The following TACR3 variants were observed in gnomAD, a reference collection of about 807,000 sequenced individuals.
TACR3 encodes neuromedin-K receptor.
TACR3 carries 34 observed loss-of-function variants against 35.0 expected under a neutral mutation model. The observed-to-expected ratio is 0.97, with a 90% CI of 0.74 to 1.30. The LOEUF is 1.30. Among genes scored for constraint, TACR3 ranks in the 50% most tolerant of loss-of-function variants. The pLI is 0.00. For missense variants in TACR3, 558 were observed against 591.7 expected (o/e 0.94, Z 0.59); for synonymous variants, 233 against 221.1 (o/e 1.05, Z -0.48).
At chr4:103,652,487 A>G (rs997150151) in intron 3 of TACR3, among the ~76,000 whole-genome samples, 1 of 152,070 alleles carries the variant, frequency 6.6e-6, no homozygotes, top group Non-Finnish European at 1.5e-5. Context: ...GACTGTCTTT[A>G]CTACACTCTT....
chr4:103,679,974 A>G (rs187276374), intron 1 of TACR3, among the ~76,000 whole-genome samples: 11 of 152,052 alleles, frequency 7.2e-5, no homozygotes, highest in Non-Finnish European at 2.9e-5. Flanking sequence ...CCATTCAATG[A>G]GAAGCTGTAT....
chr4:103,685,984 G>T (rs183020920), intron 1 of TACR3, among the ~76,000 whole-genome samples: 4 of 152,082 alleles, frequency 2.6e-5, no homozygotes, highest in Admixed American at 2.0e-4. Context: ...CTTACCTAGG[G>T]TATTTGTTGA....
chr4:103,635,728 T>C (rs1725172830), intron 3 of TACR3, among the ~76,000 whole-genome samples: 1 of 152,036 alleles, frequency 6.6e-6, no homozygotes, highest in African/African-American at 2.4e-5. Context: ...GAGTAAATAT[T>C]TGATGAATCT....
chr4:103,654,989 T>G (rs564103753), intron 3 of TACR3, among the ~76,000 whole-genome samples: 3 of 152,300 alleles, frequency 2.0e-5, no homozygotes, highest in East Asian at 3.9e-4. Context: ...CATTTGGTTG[T>G]TTGTGCACAT....
intron 1 of TACR3, among the ~76,000 whole-genome samples, chr4:103,667,924 G>A (rs1008466641): frequency 6.6e-6 from 1 of 152,090 alleles, no homozygotes; most frequent in African/African-American, 2.4e-5. Context: ...TGCCTCCTGG[G>A]CTCAAGTGAT....
chr4:103,677,989 G>T (rs973168204), intron 1 of TACR3, among the ~76,000 whole-genome samples: 32 of 151,970 alleles, frequency 2.1e-4, no homozygotes, highest in African/African-American at 7.5e-4. Flanking sequence ...TTTGGATATT[G>T]TCCCTAGCTT....
At chr4:103,607,969 G>A (rs988055464) in intron 3 of TACR3, among the ~76,000 whole-genome samples, 2 of 152,116 alleles carry the variant, frequency 1.3e-5, no homozygotes, top group Admixed American at 1.3e-4. Flanking sequence ...ATGGAGACTA[G>A]TGGTTGAACT....
rs185962809 is a variant in TACR3 at position 103,599,719 on chromosome 4, C to A, written c.889-8036G>T. 1.8e-3 allele frequency among the ~76,000 whole-genome samples: 278 copies of A among 151,942 alleles called. No individual in the cohort carries two copies. In the Middle Eastern group the frequency reaches 0.024, roughly 13 times the overall value. On this transcript the variant is annotated intron_variant, in intron 3 of 4. Coordinates refer to ENST00000304883, the MANE Select transcript of TACR3 (RefSeq NM_001059.3). Reference sequence around the variant, plus strand: ...CTGCATCTATTGAGATAGTCATGTGCTTTTTGTCATTGGTTCTGTTTATAT... The same window carrying A: ...CTGCATCTATTGAGATAGTCATGTGATTTTTGTCATTGGTTCTGTTTATAT...
intron 3 of TACR3, among the ~76,000 whole-genome samples, chr4:103,633,756 T>C (rs1380454339): frequency 6.6e-6 from 1 of 152,144 alleles, no homozygotes; most frequent in African/African-American, 2.4e-5. Context: ...CTATTTTCAG[T>C]TGAATCGTTT....
chr4:103,695,896 C>T (rs1026546070), intron 1 of TACR3, among the ~76,000 whole-genome samples: 1 of 152,132 alleles, frequency 6.6e-6, no homozygotes, highest in Non-Finnish European at 1.5e-5. Flanking sequence ...CTTAGATGAT[C>T]ATATACTTAT....
intron 1 of TACR3, among the ~76,000 whole-genome samples, chr4:103,704,688 G>T (rs1232771929): frequency 6.6e-6 from 1 of 152,132 alleles, no homozygotes; most frequent in African/African-American, 2.4e-5. Flanking sequence ...GACACATAGG[G>T]ATTATGGGGG....
At chr4:103,707,112 C>G (rs1012624475) in intron 1 of TACR3, among the ~76,000 whole-genome samples, 4 of 152,178 alleles carry the variant, frequency 2.6e-5, no homozygotes, top group Non-Finnish European at 4.4e-5. Context: ...CACAGGAAAC[C>G]TGCTTTTGCA....
chr4:103,675,930 T>C (rs572100740), intron 1 of TACR3, among the ~76,000 whole-genome samples: 2 of 152,290 alleles, frequency 1.3e-5, no homozygotes, highest in Non-Finnish European at 2.9e-5. Context: ...TCCCTCTTGC[T>C]CATACCTTTT....
At chr4:103,617,084 G>A (rs1002379673) in intron 3 of TACR3, among the ~76,000 whole-genome samples, 9 of 152,126 alleles carry the variant, frequency 5.9e-5, no homozygotes, top group African/African-American at 2.2e-4. Flanking sequence ...CTCTTAATAT[G>A]CTACTTCACA....
intron 3 of TACR3, among the ~76,000 whole-genome samples, chr4:103,621,100 C>G (rs1179176767): frequency 6.6e-6 from 1 of 152,086 alleles, no homozygotes. Context: ...CTAGAGTTTT[C>G]CATGTGGTAT....
At chr4:103,641,548 T>C (rs560670825) in intron 3 of TACR3, among the ~76,000 whole-genome samples, 102 of 152,090 alleles carry the variant, frequency 6.7e-4, no homozygotes, top group African/African-American at 2.2e-3. Context: ...GTACAGCCAT[T>C]GCGTAAAACA....
intron 3 of TACR3, among the ~76,000 whole-genome samples, chr4:103,637,009 A>G (rs1473776386): frequency 6.6e-6 from 1 of 152,286 alleles, no homozygotes; most frequent in African/African-American, 2.4e-5. Context: ...TACCAGAGGT[A>G]CAAGGAGGAG....
Position 103,719,310 on chromosome 4 carries a change from G to T in TACR3, c.366C>A (p.Tyr122Ter). The change falls in exon 1 of 5, where the codon TAC (tyrosine) becomes TAA (stop). Residue 122 changes from tyrosine (Y) to a stop codon, truncating the protein, a stop_gained. Coordinates refer to ENST00000304883, the MANE Select transcript of TACR3 (RefSeq NM_001059.3). LOFTEE classifies it high-confidence loss of function. ...AHKRMRTVTN[Y>*]FLVNLAFSDA... Reference sequence around the variant, plus strand: ...CGGAGAAAGCCAGGTTCACAAGGAAGTAGTTGGTGACAGTCCTCATGCGCT... The same window carrying T: ...CGGAGAAAGCCAGGTTCACAAGGAATTAGTTGGTGACAGTCCTCATGCGCT... 1.9e-6 allele frequency: 3 copies of T among 1,614,238 alleles called. No individual in the cohort carries two copies. The highest frequency in any genetic ancestry group is 2.5e-6 in the Non-Finnish European group (3 of 1,180,042).
rs1194824062 is a variant in TACR3 at position 103,588,838 on chromosome 4, C to T, written c.*844G>A. 6.6e-6 allele frequency: 1 copy of T among 151,790 alleles called. No individual in the cohort carries two copies. Among genetic ancestry groups the T allele is most frequent in the African/African-American group, 2.4e-5 (1 of 41,316 alleles). The allele number at this position is 151,790 out of a possible 1,614,324, so 9.4% of individuals were successfully genotyped here. ...GAAGAGAACATAAATAGTATTCTTCCTCTATTTATTGGAATGTACCTTTAC... is the reference window on the plus strand; with the variant it reads ...GAAGAGAACATAAATAGTATTCTTCTTCTATTTATTGGAATGTACCTTTAC... On this transcript the variant is annotated 3_prime_UTR_variant, in exon 5 of 5. Coordinates refer to ENST00000304883, the MANE Select transcript of TACR3 (RefSeq NM_001059.3).
Sources: allele counts gnomAD v4.1 joint callset (sites outside exome capture counted in the v4.1 genomes callset), GRCh38; gene constraint gnomAD v4.1.1; transcripts MANE v1.5; gene names NCBI Gene and HGNC (gene_info 2026-07-23, HGNC 2026-07-21).